The following PTPN23 variants were observed in gnomAD, a reference collection of about 807,000 sequenced individuals.
PTPN23 encodes the protein tyrosine-protein phosphatase non-receptor type 23.
A neutral mutation model predicts 156.3 loss-of-function variants in PTPN23; 72 were observed. The ratio of observed to expected loss-of-function variants is 0.46; its 90% CI spans 0.38 to 0.56. The LOEUF is 0.56. PTPN23 is among the 20% of genes least tolerant of loss of function. The pLI is 0.00. For synonymous variants in PTPN23, 957 were observed against 899.6 expected (o/e 1.06, Z -1.14); for missense variants, 1,974 against 2,171.5 (o/e 0.91, Z 1.81).
chr3:47,412,473 G>A (rs368082612), intron 23 of PTPN23, 41 bp from the exon 24 acceptor site: 40 of 1,611,258 alleles, frequency 2.5e-5, no homozygotes, highest in African/African-American at 8.0e-5. Context: ...CCAGGGTGAC[G>A]GGCCCCTGCC....
rs1705268450 is a variant in PTPN23, at chr3:47,410,928, C to G, written c.3130C>G (p.Pro1044Ala). The G allele has an allele frequency of 2.5e-6, 4 of 1,610,530 alleles. No individual in the cohort carries two copies. The East Asian group carries it at 8.9e-5, about 36-fold the overall frequency. Reference sequence around the variant, plus strand: ...TTTCCCCAGCCCTGGGCCCCCTCAGCCTCCCCATCCCCCACTGGCATATGG... The same window carrying G: ...TTTCCCCAGCCCTGGGCCCCCTCAGGCTCCCCATCCCCCACTGGCATATGG... ...LPFPSPGPPQ[P>A]PHPPLAYGPA... Residue 1044 changes from proline (P) to alanine (A), a missense_variant, in exon 20 of 25, where the codon CCT (proline) becomes GCT (alanine). By Grantham distance (27) the Pro-to-Ala change is conservative (BLOSUM62 -1). This residue lies in a region of PTPN23 where 731 missense variants were observed against 669.1 expected (regional missense o/e 1.09). Transcript: ENST00000265562.
chr3:47,408,700 CTG>C, intron 15 of PTPN23, 74 bp from the exon 16 acceptor site: 1 of 1,516,694 alleles, frequency 6.6e-7, no homozygotes, highest in Non-Finnish European at 8.9e-7. Flanking sequence ...GGGGGCGGTT[CTG>C]TCTCTTGGGG....
chr3:47,395,282 G>A (rs529363459), intron 1 of PTPN23, among the ~76,000 whole-genome samples: 73 of 152,306 alleles, frequency 4.8e-4, no homozygotes, highest in Admixed American at 2.7e-3. Flanking sequence ...GCAAACCTTG[G>A]TCATGGCCTT....
chr3:47,388,524 A>C (rs561894920), intron 1 of PTPN23, among the ~76,000 whole-genome samples: 146 of 152,282 alleles, frequency 9.6e-4, no homozygotes, highest in African/African-American at 3.1e-3. Flanking sequence ...TATAGTAATC[A>C]CATCAGGGTA....
intron 1 of PTPN23, among the ~76,000 whole-genome samples, chr3:47,381,696 G>T (rs1361999201): frequency 6.6e-6 from 1 of 152,212 alleles, no homozygotes; most frequent in Non-Finnish European, 1.5e-5. Flanking sequence ...TGCGGTGAGG[G>T]TTTGTTTTAC....
At position 47,412,767 on chromosome 3, in the gene PTPN23, T is replaced by C. The variant is rs1192755043; in HGVS notation, c.4493T>C (p.Ile1498Thr). 3.7e-6 allele frequency: 6 copies of C among 1,612,394 alleles called. No homozygotes were observed. Among genetic ancestry groups the C allele is most frequent in the Non-Finnish European group, 5.1e-6 (6 of 1,179,266 alleles). ...GGTGGGGATGTGCCCATCAGCTCCA[T>C]CCAGGCCACCATTGCCAAGCTCAGC... The part of the protein sequence containing the change: ...VLGGDVPISS[I>T]QATIAKLSIR... The change falls in exon 25 of 25, where the codon ATC becomes ACC. Residue 1498 changes from isoleucine to threonine, a missense_variant. Ile to Thr is a moderately conservative substitution (Grantham distance 89). Transcript: ENST00000265562.
At position 47,411,774 on chromosome 3, in the gene PTPN23, G is replaced by A. The variant is rs769826965; in HGVS notation, c.3889-9G>A. 5 of 1,602,760 alleles carry A rather than the reference G, an allele frequency of 3.1e-6. No individual in the cohort carries two copies. Among genetic ancestry groups the A allele is most frequent in the East Asian group, 2.2e-5 (1 of 44,704 alleles). ...AAACCAGGTCTGTCTTGGCTTATCTGTCCCTCAGCAAAAAGTGGCACGCTA... is the reference window on the plus strand; with the variant it reads ...AAACCAGGTCTGTCTTGGCTTATCTATCCCTCAGCAAAAAGTGGCACGCTA... On this transcript the variant is annotated splice_polypyrimidine_tract_variant and intron_variant, in intron 20 of 24. Coordinates refer to ENST00000265562, the MANE Select transcript of PTPN23 (RefSeq NM_015466.4). The surrounding 1 kb of genome is among the most constrained non-coding windows in gnomAD (Gnocchi z 6.3).
chr3:47,410,836 C>G lies in PTPN23; in HGVS notation c.3038C>G (p.Pro1013Arg). 1.2e-6 allele frequency: 2 copies of G among 1,603,718 alleles called. No homozygotes were observed. The highest frequency in any genetic ancestry group is 2.2e-5 in the East Asian group (1 of 44,760). The change falls in exon 20 of 25, where the codon CCC becomes CGC. Residue 1013 changes from proline to arginine, a missense_variant. By Grantham distance (103) the Pro-to-Arg change is moderately radical (BLOSUM62 -2). Transcript: ENST00000265562. Reference sequence around the variant, plus strand: ...GGGGTCCTGGGGCAGCCGCCACCCCCCCTACACACCCAGCTCTACCCAGGT... The same window carrying G: ...GGGGTCCTGGGGCAGCCGCCACCCCGCCTACACACCCAGCTCTACCCAGGT... ...QPGVLGQPPP[P>R]LHTQLYPGPA...
At position 47,413,231 on chromosome 3, in the gene PTPN23, A is replaced by G; in HGVS notation, c.*46A>G. The G allele has an allele frequency of 6.6e-7, 1 of 1,522,424 alleles. No homozygotes were observed. The highest frequency in any genetic ancestry group is 9.0e-7 in the Non-Finnish European group (1 of 1,117,138). The allele number at this position is 1,522,424 out of a possible 1,614,324, so 94.3% of individuals were successfully genotyped here. ...CCTTACACTACATCATCATCATCTC[A>G]TGCCCACCTGCCCACACCCAGCAGA... On this transcript the variant is annotated 3_prime_UTR_variant, in exon 25 of 25. Transcript: ENST00000265562.
In PTPN23 at chr3:47,409,196, T is replaced by G. The variant is rs762176529; in HGVS notation, c.1676T>G (p.Ile559Ser). Residue 559 changes from isoleucine (I) to serine (S), a missense_variant, in exon 17 of 25, where the codon ATC (isoleucine) becomes AGC (serine). Ile to Ser is a moderately radical substitution (Grantham distance 142). Coordinates refer to ENST00000265562, the MANE Select transcript of PTPN23 (RefSeq NM_015466.4). ...DKAVLQNLKR[I>S]LAKVQEMRDQ... ...GCCGTGCTGCAAAACCTAAAGCGCA[T>G]CCTGGCTAAGGTGCAGGAGATGCGG... The G allele has an allele frequency of 1.5e-5, 24 of 1,614,050 alleles. No homozygotes were observed. Among genetic ancestry groups the G allele is most frequent in the Non-Finnish European group, 2.0e-5 (24 of 1,180,042 alleles).
rs761990455 is a variant in PTPN23, at chr3:47,408,872, C to T, written c.1427C>T (p.Ala476Val). ...CTGCTAGAGCAGAAGTTTCAGGAGG[C>T]GGTGGGCCAGGCAGGGGCCATCTCC... ...DELLEQKFQE[A>V]VGQAGAISIT... The change falls in exon 16 of 25, where the codon GCG (alanine) becomes GTG (valine). Residue 476 changes from alanine to valine, a missense_variant. Coordinates refer to ENST00000265562, the MANE Select transcript of PTPN23 (RefSeq NM_015466.4). 46 of 1,614,168 alleles carry T rather than the reference C, an allele frequency of 2.8e-5. No homozygotes were observed. Among genetic ancestry groups the T allele is most frequent in the African/African-American group, 1.1e-4 (8 of 75,048 alleles).
chr3:47,387,584 A>AT (rs1411859547), intron 1 of PTPN23, among the ~76,000 whole-genome samples: 5 of 152,004 alleles, frequency 3.3e-5, no homozygotes, highest in Non-Finnish European at 4.4e-5. Flanking sequence ...AAAAAAAAAA[A>AT]AAAGTTTGTT....
chr3:47,401,168 T>C (rs201090345), intron 2 of PTPN23, among the ~76,000 whole-genome samples: 1 of 151,562 alleles, frequency 6.6e-6, no homozygotes, highest in East Asian at 1.9e-4. Context: ...CCCAAACTGC[T>C]GGGATTACAG....
chr3:47,407,117 C>T lies in PTPN23; in HGVS notation c.808-13C>T. On this transcript the variant is annotated splice_polypyrimidine_tract_variant and intron_variant, in intron 9 of 24. Coordinates refer to ENST00000265562, the MANE Select transcript of PTPN23 (RefSeq NM_015466.4). This position sits in a 1 kb window ranked among gnomAD's most constrained non-coding sequence, Gnocchi z 4.0. ...GAGGAGGACAGAGCAGGCTTTCCTG[C>T]CACCCTCCACAGGTTGCATACTTCC... is the stretch of plus-strand genomic sequence containing the variant. 1 of 1,613,890 alleles carries T rather than the reference C, an allele frequency of 6.2e-7. No homozygotes were observed. Among genetic ancestry groups the T allele is most frequent in the Non-Finnish European group, 8.5e-7 (1 of 1,179,910 alleles).
intron 1 of PTPN23, among the ~76,000 whole-genome samples, chr3:47,384,221 C>A (rs1441826720): frequency 1.3e-5 from 2 of 151,622 alleles, no homozygotes; most frequent in African/African-American, 4.8e-5. Flanking sequence ...GTAATCCCAG[C>A]ACTTTGGGAG....
chr3:47,408,522 G>A (rs1160338162), intron 15 of PTPN23, 32 bp downstream of exon 15: 1 of 1,589,786 alleles, frequency 6.3e-7, no homozygotes, highest in Non-Finnish European at 8.6e-7. Context: ...CAGGTGGAAG[G>A]GAGTGTGGAG....
At chr3:47,390,220 G>A (rs955383986) in intron 1 of PTPN23, among the ~76,000 whole-genome samples, 4 of 152,124 alleles carry the variant, frequency 2.6e-5, no homozygotes, top group Admixed American at 2.6e-4. Context: ...GCCTGACAGA[G>A]CAAGACAATT....
At position 47,411,463 on chromosome 3, in the gene PTPN23, G is replaced by A. The variant is rs767078470; in HGVS notation, c.3665G>A (p.Arg1222Gln). 26 of 1,613,148 alleles carry A rather than the reference G, an allele frequency of 1.6e-5. No homozygotes were observed. Among genetic ancestry groups the A allele is most frequent in the South Asian group, 2.2e-5 (2 of 91,084 alleles). Residue 1222 changes from arginine to glutamine, a missense_variant, in exon 20 of 25, where the codon CGG becomes CAG. By Grantham distance (43) the Arg-to-Gln change is conservative (BLOSUM62 1). Transcript: ENST00000265562. This position sits in a 1 kb window ranked among gnomAD's most constrained non-coding sequence, Gnocchi z 6.3. Reference sequence around the variant, plus strand: ...GCCCGCTGCTACTCACTGAAGAACCGGCACCAGGATGTCATGCCCTATGAC... The same window carrying A: ...GCCCGCTGCTACTCACTGAAGAACCAGCACCAGGATGTCATGCCCTATGAC... Reference protein sequence around the residue: ...AIARCYSLKNRHQDVMPYDSN... With the variant: ...AIARCYSLKNQHQDVMPYDSN...
intron 3 of PTPN23, 73 bp downstream of exon 3, chr3:47,404,852 C>T: frequency 6.3e-7 from 1 of 1,583,688 alleles, no homozygotes; most frequent in South Asian, 1.1e-5. Context: ...CCCTCCCTTC[C>T]CCCTTCTCCT....
Sources: gnomAD v4.1 joint callset for allele counts (sites outside exome capture counted in the v4.1 genomes callset) on GRCh38, gnomAD v4.1.1 for gene constraint, gnomAD v4.1.1 regional missense constraint, Gnocchi (gnomAD v3.1) non-coding constraint, MANE v1.5 for transcripts, NCBI Gene and HGNC (gene_info 2026-07-23, HGNC 2026-07-21) for gene names.